RSRP1: variants seen among roughly 807,000 people sequenced by gnomAD.
RSRP1 encodes the protein arginine and serine rich protein 1.
In RSRP1, 37 loss-of-function variants were observed where a neutral mutation model predicts 33.0. The ratio of observed to expected loss-of-function variants is 1.12; its 90% confidence interval spans 0.86 to 1.48. The LOEUF (loss-of-function observed/expected upper bound fraction) is 1.48. Ranked by LOEUF, RSRP1 falls within the 40% of genes most tolerant of loss-of-function variation. RSRP1 has a pLI of 0.00. For synonymous variants in RSRP1, 167 were observed against 158.7 expected (o/e 1.05, Z -0.40); for missense variants, 402 against 385.3 (o/e 1.04, Z -0.36).
chr1:25,251,333 T>C (rs895647879), upstream of RSRP1, among the ~76,000 whole-genome samples: 2 of 152,202 alleles, frequency 1.3e-5, no homozygotes, highest in Non-Finnish European at 2.9e-5. Context: ...ACCACAGCAA[T>C]AGGAAAATAA....
chr1:25,312,962 T>G lies in RSRP1; in HGVS notation c.-67+25016A>C, dbSNP rs1317869892. Reference sequence around the variant, plus strand: ...AAAAAAAAAAAAAAAAAAACTTTAGTGCTATTGGAATGAATTTTGCATGTA... The same window carrying G: ...AAAAAAAAAAAAAAAAAAACTTTAGGGCTATTGGAATGAATTTTGCATGTA... On this transcript the variant is annotated intron_variant, in intron 1 of 1. Coordinates refer to the RSRP1 transcript ENST00000561867. Among the ~76,000 whole-genome samples, 22 of 32,734 alleles carry G rather than the reference T, an allele frequency of 6.7e-4. 5 individuals carry two copies. Among genetic ancestry groups the G allele is most frequent in the Non-Finnish European group, 1.8e-3 (19 of 10,460 alleles). The allele number at this position is 32,734 out of a possible 152,430, so 21.5% of individuals were successfully genotyped here.
At chr1:25,284,472 C>T in intron 1 of RSRP1, 2 of 1,107,236 alleles carry the variant, frequency 1.8e-6, no homozygotes, top group South Asian at 1.3e-5. Flanking sequence ...AACGATCTTG[C>T]ATGCCCCTTC....
At chr1:25,249,773 A>C (rs1004191290), upstream of RSRP1, among the ~76,000 whole-genome samples, 12 of 152,184 alleles carry the variant, frequency 7.9e-5, no homozygotes, top group African/African-American at 2.7e-4. Context: ...ACCTTCCTTT[A>C]TTTCTCTAAA....
At chr1:25,285,580 T>C (rs1557522305) in intron 1 of RSRP1, among the ~76,000 whole-genome samples, 1 of 135,146 alleles carries the variant, frequency 7.4e-6, no homozygotes, top group African/African-American at 2.6e-5. Flanking sequence ...AACTAATGTA[T>C]GGTGCCAGAA....
intron 3 of RSRP1, 89 bp downstream of exon 3, chr1:25,245,061 C>T: frequency 6.2e-7 from 1 of 1,610,164 alleles, no homozygotes; most frequent in Non-Finnish European, 8.5e-7. Context: ...CTAGACTTCC[C>T]AAAAAGTATA....
chr1:25,307,604 C>G (rs1230499529), intron 1 of RSRP1: 1 of 887,880 alleles, frequency 1.1e-6, no homozygotes, highest in Non-Finnish European at 1.8e-6. Context: ...GAGGTATTCT[C>G]AGACTCTAAG....
At chr1:25,336,617 A>G (rs896628161) in intron 1 of RSRP1, among the ~76,000 whole-genome samples, 4 of 149,876 alleles carry the variant, frequency 2.7e-5, no homozygotes, top group Non-Finnish European at 5.9e-5. Flanking sequence ...GGGTAGGGGC[A>G]AAAAACGCAA....
intron 4 of RSRP1, 44 bp downstream of exon 4, chr1:25,243,506 T>G: frequency 6.2e-7 from 1 of 1,603,228 alleles, no homozygotes; most frequent in Non-Finnish European, 8.5e-7. Context: ...CAAAAATACA[T>G]CCTAAATCCA....
At chr1:25,275,304 T>G in intron 1 of RSRP1, among the ~76,000 whole-genome samples, 1 of 130,558 alleles carries the variant, frequency 7.7e-6, no homozygotes, top group Non-Finnish European at 1.8e-5. Flanking sequence ...ATAATAGTAA[T>G]AAATAAAAAT....
intron 1 of RSRP1, among the ~76,000 whole-genome samples, chr1:25,314,893 GT>G (rs2124077003): frequency 7.6e-6 from 1 of 130,790 alleles, no homozygotes; most frequent in African/African-American, 2.6e-5. Flanking sequence ...TTTATGTTTA[GT>G]TCTTTTATGT....
At chr1:25,250,806 TGAGA>T (rs1490401281), upstream of RSRP1, among the ~76,000 whole-genome samples, 1 of 151,948 alleles carries the variant, frequency 6.6e-6, no homozygotes, top group Non-Finnish European at 1.5e-5. Flanking sequence ...GTCAGGCATT[TGAGA>T]CCAGCCTGGT....
chr1:25,254,824 T>C (rs1295030648), intron 1 of RSRP1, among the ~76,000 whole-genome samples: 1 of 152,164 alleles, frequency 6.6e-6, no homozygotes, highest in Non-Finnish European at 1.5e-5. Flanking sequence ...AGATATGTAT[T>C]TGTCAATATT....
chr1:25,248,923 A>C (rs1639677339), upstream of RSRP1, among the ~76,000 whole-genome samples: 1 of 152,152 alleles, frequency 6.6e-6, no homozygotes, highest in Non-Finnish European at 1.5e-5. Flanking sequence ...CCGAAGCGGG[A>C]AGATCACCTA....
At chr1:25,259,755 C>T (rs988737649) in intron 1 of RSRP1, among the ~76,000 whole-genome samples, 5 of 152,044 alleles carry the variant, frequency 3.3e-5, no homozygotes, top group South Asian at 2.1e-4. Flanking sequence ...CAGCCTGCCT[C>T]GGCCTCCCAA....
intron 1 of RSRP1, among the ~76,000 whole-genome samples, chr1:25,270,435 T>C (rs138779712): frequency 0.012 from 1,585 of 130,814 alleles, 141 homozygotes; most frequent in African/African-American, 0.037. Flanking sequence ...TAGATTCTCA[T>C]AGGGGCACAA....
intron 1 of RSRP1, among the ~76,000 whole-genome samples, chr1:25,311,837 A>G (rs1374499314): frequency 7.6e-6 from 1 of 131,188 alleles, no homozygotes; most frequent in Non-Finnish European, 1.8e-5. Flanking sequence ...ACATGGCACT[A>G]ATTTTGCAGG....
chr1:25,306,457 G>A, intron 1 of RSRP1: 1 of 849,684 alleles, frequency 1.2e-6, no homozygotes, highest in South Asian at 1.4e-5. Flanking sequence ...GCACATTCAA[G>A]TCTGAGAAGG....
In RSRP1 at chr1:25,246,756, G is replaced by A. The variant is rs1443682721; in HGVS notation, c.208C>T (p.His70Tyr). ...SKSRSRSRRR[H>Y]QRKYRRYSRS... is the part of the protein sequence containing the mutation. ...GAGTAGCGCCTGTACTTCCGCTGGT[G>A]GCGCCTTCGGGAACGGGACCTGGAC... is the stretch of plus-strand genomic sequence containing the variant. The change falls in exon 2 of 5, where the codon CAC (histidine) becomes TAC (tyrosine). Residue 70 changes from histidine to tyrosine, a missense_variant. Transcript: ENST00000243189. The A allele has an allele frequency of 1.2e-6, 2 of 1,609,128 alleles. No individual in the cohort carries two copies. The highest frequency in any genetic ancestry group is 4.5e-5 in the East Asian group (2 of 44,758).
intron 1 of RSRP1, chr1:25,321,758 G>C (rs1396726651): frequency 1.1e-5 from 5 of 465,270 alleles, no homozygotes; most frequent in African/African-American, 7.9e-5. Context: ...CCATTTATTT[G>C]TCTTTCAATT....
Sources: gnomAD v4.1 joint callset for allele counts (sites outside exome capture counted in the v4.1 genomes callset) on GRCh38, gnomAD v4.1.1 for gene constraint, MANE v1.5 for transcripts, NCBI Gene and HGNC (gene_info 2026-07-23, HGNC 2026-07-21) for gene names.